The following MEF2C variants were observed in gnomAD, a reference collection of about 807,000 sequenced individuals.
MEF2C encodes myocyte-specific enhancer factor 2C.
Under a neutral mutation model 50.5 loss-of-function variants are expected in MEF2C, and 6 were observed. The observed-to-expected ratio is 0.12, with a 90% confidence interval of 0.07 to 0.23. The LOEUF is 0.23. Ranked by LOEUF, MEF2C falls within the 10% of genes least tolerant of loss-of-function variation. MEF2C has a pLI of 1.00. For missense variants in MEF2C, 276 were observed against 605.0 expected (o/e 0.46, Z 5.70); for synonymous variants, 183 against 228.0 (o/e 0.80, Z 1.78).
At chr5:88,751,545 G>A (rs537141758) in intron 5 of MEF2C, 1 of 985,030 alleles carries the variant, frequency 1.0e-6, no homozygotes, top group Admixed American at 6.2e-5. Flanking sequence ...AGGCAGGGAG[G>A]ACGAGCAGAA....
chr5:88,748,243 A>T, intron 6 of MEF2C: 1 of 966,550 alleles, frequency 1.0e-6, no homozygotes, highest in African/African-American at 1.8e-5. Flanking sequence ...ATCCATGTCT[A>T]TTTCAATAAA....
At chr5:88,859,600 T>C (rs993816712) in intron 1 of MEF2C, among the ~76,000 whole-genome samples, 2 of 152,232 alleles carry the variant, frequency 1.3e-5, no homozygotes, top group Admixed American at 6.5e-5. Flanking sequence ...AGTTCATACC[T>C]GACAGAATGT....
At chr5:88,759,204 G>A (rs985627582) in intron 4 of MEF2C, among the ~76,000 whole-genome samples, 6 of 152,088 alleles carry the variant, frequency 3.9e-5, no homozygotes, top group African/African-American at 1.4e-4. Context: ...CCCAAATGGC[G>A]TGGCGCAGTG....
intron 3 of MEF2C, among the ~76,000 whole-genome samples, chr5:88,793,929 A>G (rs1381438887): frequency 1.3e-5 from 2 of 152,136 alleles, no homozygotes; most frequent in Non-Finnish European, 2.9e-5. Flanking sequence ...TTTGCTGAGA[A>G]TGATGGTTTC....
At chr5:88,869,256 T>TATATATATATATATATATAC in intron 1 of MEF2C, among the ~76,000 whole-genome samples, 1 of 74,160 alleles carries the variant, frequency 1.3e-5, no homozygotes, top group Non-Finnish European at 2.4e-5. Context: ...AGTTTTCATA[T>TATATATATATATATATATAC]ATATATATAT....
At position 88,761,073 on chromosome 5, in the gene MEF2C, G is replaced by C. The variant is rs757436258; in HGVS notation, c.402+112C>G. ...TTCAGTGCGTGGGGTGAGTGCATAA[G>C]AGGAGTCGGGATCGGGGCTTTCACA... is the stretch of plus-strand genomic sequence containing the variant. On this transcript the variant is annotated intron_variant, in intron 4 of 10. Coordinates refer to ENST00000504921, the MANE Select transcript of MEF2C (RefSeq NM_002397.5). 3.7e-6 allele frequency: 6 copies of C among 1,613,974 alleles called. No homozygotes were observed. The Admixed American group carries it at 6.7e-5, about 18-fold the overall frequency.
At chr5:88,869,054 A>G (rs924364643) in intron 1 of MEF2C, among the ~76,000 whole-genome samples, 2 of 151,760 alleles carry the variant, frequency 1.3e-5, no homozygotes, top group African/African-American at 4.8e-5. Context: ...TTTAGCAATT[A>G]ATCTATATGA....
intron 1 of MEF2C, among the ~76,000 whole-genome samples, chr5:88,834,956 T>C (rs1414940971): frequency 6.6e-6 from 1 of 152,024 alleles, no homozygotes; most frequent in Middle Eastern, 3.4e-3. Flanking sequence ...TTCACTGATA[T>C]TATATAATTT....
At chr5:88,759,077 GAC>G (rs2152635123) in intron 4 of MEF2C, among the ~76,000 whole-genome samples, 1 of 152,284 alleles carries the variant, frequency 6.6e-6, no homozygotes, top group South Asian at 2.1e-4. Context: ...CTTACTATCT[GAC>G]ACACCTAAGG....
At chr5:88,777,969 A>G (rs769504250) in intron 3 of MEF2C, among the ~76,000 whole-genome samples, 8 of 146,294 alleles carry the variant, frequency 5.5e-5, no homozygotes, top group Non-Finnish European at 1.0e-4. Flanking sequence ...CTGTGGCACA[A>G]TCTTGGCTCA....
chr5:88,799,569 A>G (rs1797411699), intron 3 of MEF2C, among the ~76,000 whole-genome samples: 1 of 152,196 alleles, frequency 6.6e-6, no homozygotes, highest in African/African-American at 2.4e-5. Flanking sequence ...TAGTATTTTC[A>G]CTAAACTATG....
At position 88,856,825 on chromosome 5, in the gene MEF2C, G is replaced by C. The variant is rs373829251; in HGVS notation, c.-143+26130C>G. Among the ~76,000 whole-genome samples, 13 of 152,358 alleles carry C rather than the reference G, an allele frequency of 8.5e-5. No individual in the cohort carries two copies. The East Asian group carries it at 2.5e-3, about 29-fold the overall frequency. On this transcript the variant is annotated intron_variant, in intron 1 of 10. Coordinates refer to ENST00000504921, the MANE Select transcript of MEF2C (RefSeq NM_002397.5). ...GAAATGCCTGGATGTCTAGGCAGAA[G>C]TTTGTTTCAGGGGTGGAACCCTCAT...
intron 3 of MEF2C, chr5:88,770,015 T>C: frequency 1.0e-6 from 1 of 985,260 alleles, no homozygotes; most frequent in Non-Finnish European, 1.2e-6. Context: ...AGTTGTAGGT[T>C]GTTTTGAAGA....
chr5:88,824,434 A>T, intron 1 of MEF2C: 14 of 768,532 alleles, frequency 1.8e-5, no homozygotes, highest in Non-Finnish European at 2.2e-5. Context: ...GTGCTATTTG[A>T]TATATGTAAA....
At chr5:88,805,779 T>C (rs1388688262) in intron 2 of MEF2C, among the ~76,000 whole-genome samples, 1 of 151,008 alleles carries the variant, frequency 6.6e-6, no homozygotes, top group Non-Finnish European at 1.5e-5. Context: ...TAATTGAACT[T>C]CAGCTTGTTG....
chr5:88,839,345 C>CTG (rs1389488707), intron 1 of MEF2C: 1 of 141,094 alleles, frequency 7.1e-6, no homozygotes, highest in Non-Finnish European at 1.5e-5. Flanking sequence ...CTCTCTCTCT[C>CTG]TCTCTCTCTA....
chr5:88,877,610 G>T (rs765571599), intron 1 of MEF2C, among the ~76,000 whole-genome samples: 1 of 151,608 alleles, frequency 6.6e-6, no homozygotes, highest in Non-Finnish European at 1.5e-5. Context: ...TGCCATCTTC[G>T]TATTCTTAAA....
At chr5:88,743,981 T>A (rs755769184) in intron 6 of MEF2C, 24 of 949,122 alleles carry the variant, frequency 2.5e-5, no homozygotes, top group Non-Finnish European at 2.9e-5. Context: ...ATTGTAAAAT[T>A]ATCTTAAATG....
At chr5:88,786,217 C>A (rs2152924565) in intron 3 of MEF2C, among the ~76,000 whole-genome samples, 1 of 152,256 alleles carries the variant, frequency 6.6e-6, no homozygotes, top group Non-Finnish European at 1.5e-5. Flanking sequence ...TGCTTTCAAT[C>A]TTGGAAAAAT....
Sources: allele counts gnomAD v4.1 joint callset (sites outside exome capture counted in the v4.1 genomes callset), GRCh38; gene constraint gnomAD v4.1.1; transcripts MANE v1.5; gene names NCBI Gene and HGNC (gene_info 2026-07-23, HGNC 2026-07-21).